CD163L1: variants seen among roughly 807,000 people sequenced by gnomAD.
CD163L1 encodes CD163 molecule like 1.
Under a neutral mutation model 165.4 loss-of-function variants are expected in CD163L1, and 124 were observed. That is an observed-to-expected ratio of 0.75 (90% CI 0.65 to 0.87). CD163L1 has a LOEUF of 0.87. Among genes scored for constraint, CD163L1 ranks in the 40% least tolerant of loss-of-function variants. The probability of loss-of-function intolerance (pLI) is 0.00; values close to 1 mark genes in which losing one functional copy is unlikely to be tolerated. For synonymous variants in CD163L1, 585 were observed against 662.2 expected, an observed-to-expected ratio of 0.88 and a Z score of 1.79; for missense variants, 1,525 against 1,799.9, an observed-to-expected ratio of 0.85 and a Z score of 2.76.
intron 2 of CD163L1, chr12:7,440,030 A>C: frequency 7.5e-7 from 1 of 1,333,516 alleles, no homozygotes. Context: ...CCGCTGCGAC[A>C]CACACCCCAG....
intron 4 of CD163L1, among the ~76,000 whole-genome samples, chr12:7,431,730 C>T (rs11053833): frequency 0.11 from 16,583 of 151,624 alleles, 1,628 homozygotes; most frequent in African/African-American, 0.26. Context: ...ATGTTGTGCA[C>T]TTGTACCCTA....
At chr12:7,325,872 C>T in the CD163L1 span, among the ~76,000 whole-genome samples, 21 of 152,276 alleles carry the variant, frequency 1.4e-4, no homozygotes, top group South Asian at 4.1e-3. Context: ...TCTGTACCTC[C>T]CTCTCACACA....
At chr12:7,355,700 G>A (rs1250666734) in intron 19 of CD163L1, among the ~76,000 whole-genome samples, 2 of 152,098 alleles carry the variant, frequency 1.3e-5, no homozygotes, top group Non-Finnish European at 2.9e-5. Context: ...GGTAATTAAG[G>A]TAAAATGAGG....
At position 7,406,699 on chromosome 12, in the gene CD163L1, G is replaced by A. The variant is rs1300016480; in HGVS notation, c.920C>T (p.Thr307Ile). ...DVVCKQLGCG[T>I]ALHFAGLPHL... ...AGGCAAGCCAGCGAAGTGAAGTGCG[G>A]TTCCACATCCCAACTGCTTGCATAC... Residue 307 changes from threonine to isoleucine, a missense_variant, in exon 5 of 20, where the codon ACC becomes ATC. Transcript: ENST00000313599. 1 of 1,614,058 alleles carries A rather than the reference G, an allele frequency of 6.2e-7. No homozygotes were observed. Among genetic ancestry groups the A allele is most frequent in the Non-Finnish European group, 8.5e-7 (1 of 1,179,988 alleles).
intron 8 of CD163L1, among the ~76,000 whole-genome samples, chr12:7,386,324 GAA>G (rs1234232690): frequency 1.3e-5 from 2 of 151,734 alleles, no homozygotes; most frequent in South Asian, 2.1e-4. Flanking sequence ...AATCAATAAT[GAA>G]AAGTCTCCAG....
chr12:7,378,941 A>T (rs1382420987), intron 9 of CD163L1, 37 bp downstream of exon 9: 6 of 1,547,544 alleles, frequency 3.9e-6, no homozygotes, highest in African/African-American at 1.4e-5. Flanking sequence ...AAAAATAAAT[A>T]ATTAAATAAA....
intron 4 of CD163L1, among the ~76,000 whole-genome samples, chr12:7,419,873 T>A (rs1017113860): frequency 6.6e-6 from 1 of 151,960 alleles, no homozygotes; most frequent in African/African-American, 2.4e-5. Flanking sequence ...CTAGAAATCA[T>A]ATGGAACCAA....
At position 7,432,581 on chromosome 12, in the gene CD163L1, A is replaced by G. The variant is rs762298379; in HGVS notation, c.601T>C (p.Ser201Pro). 1.9e-6 allele frequency: 3 copies of G among 1,614,222 alleles called. No homozygotes were observed. Among genetic ancestry groups the G allele is most frequent in the Non-Finnish European group, 2.5e-6 (3 of 1,180,046 alleles). The part of the protein sequence containing the change: ...VVCRQLGCPS[S>P]FISSGVVNSP... ...TTAACAACTCCAGAAGAAATAAAAG[A>G]AGATGGACATCCTAGTTGCCTGCAC... The change falls in exon 4 of 20, where the codon TCT becomes CCT. Residue 201 changes from serine (S) to proline (P), a missense_variant. Transcript: ENST00000313599. The surrounding 1 kb of genome is among the most constrained non-coding windows in gnomAD (Gnocchi z 4.2).
At chr12:7,324,026 C>T in the CD163L1 span, among the ~76,000 whole-genome samples, 211 of 151,914 alleles carry the variant, frequency 1.4e-3, no homozygotes, top group African/African-American at 4.6e-3. Flanking sequence ...AAACATAATA[C>T]GGTTAGTCAG....
chr12:7,440,035 C>G, intron 2 of CD163L1: 1 of 1,285,614 alleles, frequency 7.8e-7, no homozygotes, highest in East Asian at 2.5e-5. Context: ...GCGACACACA[C>G]CCCAGCAGCT....
Position 7,379,391 on chromosome 12 carries a change from G to A in CD163L1, c.2051-93C>T, listed in dbSNP as rs775938267. 4.8e-4 allele frequency: 614 copies of A among 1,272,796 alleles called. 1 individual carries two copies. The highest frequency in any genetic ancestry group is 4.9e-4 in the Admixed American group (19 of 39,120). The allele number at this position is 1,272,796 out of a possible 1,614,324, so 78.8% of individuals were successfully genotyped here. A position where few individuals can be genotyped will look rare whatever the true frequency, so the allele number is the denominator to read the frequency against. ...TCCTGTACACTAACATAGACCAGTG[G>A]CCAAAAGTTGAGAGATTGTTTAGGT... On this transcript the variant is annotated intron_variant, in intron 8 of 19. Transcript: ENST00000313599.
chr12:7,430,348 A>T (rs1447186404), intron 4 of CD163L1, among the ~76,000 whole-genome samples: 1 of 152,206 alleles, frequency 6.6e-6, no homozygotes, highest in African/African-American at 2.4e-5. Flanking sequence ...GTCAGCCAGT[A>T]AGAGACAGAT....
rs762381455 is a variant in CD163L1 at position 7,419,642 on chromosome 12, A to G, written c.766+12774T>C. 5.1e-4 allele frequency among the ~76,000 whole-genome samples: 78 copies of G among 152,252 alleles called. 1 individual carries two copies. Among genetic ancestry groups the G allele is most frequent in the Admixed American group, 7.2e-4 (11 of 15,270 alleles). ...CAACAAAAAGCTCCTAGAACTGATA[A>G]AAGAATTCAGCAAAGTTACAGGATA... On this transcript the variant is annotated intron_variant, in intron 4 of 19. Coordinates refer to ENST00000313599, the MANE Select transcript of CD163L1 (RefSeq NM_174941.6).
At chr12:7,393,088 C>T (rs753868916) in intron 8 of CD163L1, among the ~76,000 whole-genome samples, 17 of 152,236 alleles carry the variant, frequency 1.1e-4, no homozygotes, top group African/African-American at 4.1e-4. Context: ...CAACATCATC[C>T]TGATACCAAA....
At position 7,368,884 on chromosome 12, in the gene CD163L1, C is replaced by T. The variant is rs1947080251; in HGVS notation, c.4072+49G>A. 1 of 1,601,594 alleles carries T rather than the reference C, an allele frequency of 6.2e-7. No homozygotes were observed. The highest frequency in any genetic ancestry group is 8.6e-7 in the Non-Finnish European group (1 of 1,169,310). On this transcript the variant is annotated intron_variant, in intron 16 of 19. Coordinates refer to ENST00000313599, the MANE Select transcript of CD163L1 (RefSeq NM_174941.6). The surrounding 1 kb of genome is among the most constrained non-coding windows in gnomAD (Gnocchi z 4.3). ...CAGTTTCTGCCCTCCCTTGACCTTC[C>T]ATGTAGCCTTAGGTATTTGTGTCAG...
At chr12:7,327,737 A>C in the CD163L1 span, among the ~76,000 whole-genome samples, 1 of 143,798 alleles carries the variant, frequency 7.0e-6, no homozygotes, top group Non-Finnish European at 1.6e-5. Context: ...AATTCACTAA[A>C]TCATTGACTA....
rs897871106 is a variant in CD163L1 at position 7,400,598 on chromosome 12, G to A, written c.1409-2014C>T. Among the ~76,000 whole-genome samples the A allele has an allele frequency of 6.6e-6, 1 of 152,072 alleles. No homozygotes were observed. Among genetic ancestry groups the A allele is most frequent in the African/African-American group, 2.4e-5 (1 of 41,410 alleles). On this transcript the variant is annotated intron_variant, in intron 6 of 19. Transcript: ENST00000313599. This position sits in a 1 kb window ranked among gnomAD's most constrained non-coding sequence, Gnocchi z 4.1. ...ACAGGTGCAATCATAGCACCTTACA[G>A]TCTCTATCTCCTGGGCTCAAGTGAT... is the stretch of plus-strand genomic sequence containing the variant.
rs1419154457 is a variant in CD163L1, at chr12:7,433,662, C to A, written c.157G>T (p.Gly53Ter). The A allele has an allele frequency of 1.9e-6, 3 of 1,613,474 alleles. No individual in the cohort carries two copies. Among genetic ancestry groups the A allele is most frequent in the Non-Finnish European group, 2.5e-6 (3 of 1,179,696 alleles). ...ACTGTCCCAGAGCAGGGACCGTCTCCATTGACCAGCCTCAACTCCAAATCT... is the reference window on the plus strand; with the variant it reads ...ACTGTCCCAGAGCAGGGACCGTCTCAATTGACCAGCCTCAACTCCAAATCT... ...GTDLELRLVN[G>*]DGPCSGTVEV... is the part of the protein sequence containing the mutation. The change falls in exon 3 of 20, where the codon GGA (glycine) becomes TGA (stop). Residue 53 changes from glycine to a stop codon, truncating the protein, a stop_gained. Coordinates refer to ENST00000313599, the MANE Select transcript of CD163L1 (RefSeq NM_174941.6). LOFTEE classifies it high-confidence loss of function.
chr12:7,434,935 C>T (rs2136638740), intron 2 of CD163L1, among the ~76,000 whole-genome samples: 1 of 152,220 alleles, frequency 6.6e-6, no homozygotes, highest in South Asian at 2.1e-4. Context: ...CCTTATATTT[C>T]TCTTTCTCAG....
Sources: allele counts gnomAD v4.1 joint callset (sites outside exome capture counted in the v4.1 genomes callset), GRCh38; gene constraint gnomAD v4.1.1; non-coding constraint Gnocchi (gnomAD v3.1); transcripts MANE v1.5; gene names NCBI Gene and HGNC (gene_info 2026-07-23, HGNC 2026-07-21).